Variants in TLN2 observed in about 807,000 individuals in gnomAD.
TLN2 encodes the protein talin 2.
Under a neutral mutation model 294.7 loss-of-function variants are expected in TLN2, and 118 were observed. The observed-to-expected ratio is 0.40, with a 90% confidence interval of 0.34 to 0.47. TLN2 has a LOEUF of 0.47. TLN2 is among the 20% of genes least tolerant of loss of function. The probability of loss-of-function intolerance (pLI) is 0.84; values close to 1 mark genes in which losing one functional copy is unlikely to be tolerated. For synonymous variants in TLN2, 1,431 were observed against 1,304.5 expected, an observed-to-expected ratio of 1.10 and a Z score of -2.09; for missense variants, 3,083 against 3,282.2, an observed-to-expected ratio of 0.94 and a Z score of 1.48.
chr15:62,534,009 A>C (rs2041194865), intron 1 of TLN2, among the ~76,000 whole-genome samples: 1 of 152,158 alleles, frequency 6.6e-6, no homozygotes, highest in African/African-American at 2.4e-5. Flanking sequence ...GTGCTTCCAA[A>C]TGTTAGTGTG....
In TLN2 at chr15:62,698,761, C is replaced by A. The variant is rs376377833; in HGVS notation, c.1481C>A (p.Ala494Asp). 6.2e-7 allele frequency: 1 copy of A among 1,610,128 alleles called. No individual in the cohort carries two copies. The highest frequency in any genetic ancestry group is 8.5e-7 in the Non-Finnish European group (1 of 1,179,974). The change falls in exon 16 of 59, where the codon GCC (alanine) becomes GAC (aspartate). Residue 494 changes from alanine (A) to aspartate (D), a missense_variant. Coordinates refer to ENST00000636159, the MANE Select transcript of TLN2 (RefSeq NM_015059.3). Reference protein sequence around the residue: ...HRGHMPPLTSAQQALMGTINT... With the variant: ...HRGHMPPLTSDQQALMGTINT... Reference sequence around the variant, plus strand: ...TTTCATTTGCCTTTGCAGACCTCAGCCCAGCAGGCCCTGATGGGGACCATC... The same window carrying A: ...TTTCATTTGCCTTTGCAGACCTCAGACCAGCAGGCCCTGATGGGGACCATC...
rs147549147 is a variant in TLN2 at position 62,836,215 on chromosome 15, C to T, written c.7374+142C>T. The T allele has an allele frequency of 8.9e-3, 10,424 of 1,169,984 alleles. 61 individuals carry two copies. Among genetic ancestry groups the T allele is most frequent in the Non-Finnish European group, 0.011 (9,227 of 831,300 alleles). The allele number at this position is 1,169,984 out of a possible 1,614,324, so 72.5% of individuals were successfully genotyped here. On this transcript the variant is annotated intron_variant, in intron 57 of 58. Coordinates refer to ENST00000636159, the MANE Select transcript of TLN2 (RefSeq NM_015059.3). ...GTCCACGTTCCAGCCTCATCTACTGCGTGCGTCCATGCATCCTCCACTGCT... is the reference window on the plus strand; with the variant it reads ...GTCCACGTTCCAGCCTCATCTACTGTGTGCGTCCATGCATCCTCCACTGCT...
rs560788188 is a variant in TLN2 at position 62,649,949 on chromosome 15, T to C, written c.137-135T>C. 3 of 814,766 alleles carry C rather than the reference T, an allele frequency of 3.7e-6. No homozygotes were observed. In the Admixed American group the frequency reaches 6.3e-5, roughly 17 times the overall value. 50.5% of individuals were successfully genotyped at this position (814,766 alleles called of 1,614,324 possible). On this transcript the variant is annotated intron_variant, in intron 4 of 58. Transcript: ENST00000636159. ...CTCCAGCCCTGATGGCTGCTTGTGT[T>C]GTCAAAACGAAACATTGCTGTCTGG...
chr15:62,771,161 C>T (rs757145828), intron 42 of TLN2, 27 bp downstream of exon 42: 2 of 1,564,166 alleles, frequency 1.3e-6, no homozygotes, highest in Non-Finnish European at 1.7e-6. Context: ...CGGGGACTCA[C>T]TTAGGACCAC....
intron 3 of TLN2, among the ~76,000 whole-genome samples, chr15:62,624,742 C>T (rs1596380057): frequency 1.3e-5 from 2 of 152,208 alleles, no homozygotes; most frequent in African/African-American, 2.4e-5. Flanking sequence ...CATGTGTGTA[C>T]GCACACAATT....
At position 62,755,664 on chromosome 15, in the gene TLN2, A is replaced by G. The variant is rs374616774; in HGVS notation, c.4609A>G (p.Ser1537Gly). 6.2e-7 allele frequency: 1 copy of G among 1,614,132 alleles called. No homozygotes were observed. Among genetic ancestry groups the G allele is most frequent in the Non-Finnish European group, 8.5e-7 (1 of 1,180,042 alleles). Residue 1537 changes from serine (S) to glycine (G), a missense_variant, in exon 37 of 59, where the codon AGC (serine) becomes GGC (glycine). Physicochemically the swap from Ser to Gly is moderately conservative, Grantham distance 56. Coordinates refer to ENST00000636159, the MANE Select transcript of TLN2 (RefSeq NM_015059.3). ...FVQSAKEVAN[S>G]TANLVKTIKA... is the part of the protein sequence containing the mutation. ...CCAGTCAGCCAAGGAAGTCGCCAAC[A>G]GCACTGCCAACCTGGTGAAGACCAT...
intron 36 of TLN2, chr15:62,754,229 G>C (rs2062098263): frequency 4.6e-6 from 1 of 218,068 alleles, no homozygotes; most frequent in Non-Finnish European, 8.9e-6. Flanking sequence ...TTAGCTGTAA[G>C]GGTTCAATGT....
chr15:62,460,706 G>C (rs2036752103), intron 1 of TLN2, among the ~76,000 whole-genome samples: 1 of 152,192 alleles, frequency 6.6e-6, no homozygotes, highest in Non-Finnish European at 1.5e-5. Flanking sequence ...GTTTATTTCA[G>C]ATAATGTTTT....
At chr15:62,792,577 G>C (rs2065149413) in intron 45 of TLN2, 64 bp from the exon 46 acceptor site, 1 of 1,579,312 alleles carries the variant, frequency 6.3e-7, no homozygotes, top group Admixed American at 1.8e-5. Flanking sequence ...TTTCCACGTA[G>C]GGAAGGCCTC....
At chr15:62,835,409 C>T in intron 55 of TLN2, 1 of 360,580 alleles carries the variant, frequency 2.8e-6, no homozygotes, top group Non-Finnish European at 5.1e-6. Flanking sequence ...GGAGAAAGCT[C>T]AGCAGAGGAG....
At chr15:62,697,508 T>G (rs770609954) in intron 14 of TLN2, among the ~76,000 whole-genome samples, 180 bp from the exon 15 acceptor site, 5 of 152,242 alleles carry the variant, frequency 3.3e-5, no homozygotes, top group Non-Finnish European at 5.9e-5. Context: ...AGGATTCATC[T>G]CAGAGCTCTG....
In TLN2 at chr15:62,463,562, C is replaced by G. The variant is rs150133829; in HGVS notation, c.-238+72877C>G. Among the ~76,000 whole-genome samples, 934 of 152,270 alleles carry G rather than the reference C, an allele frequency of 6.1e-3. 11 individuals carry two copies. The highest frequency in any genetic ancestry group is 0.022 in the African/African-American group (895 of 41,538). On this transcript the variant is annotated intron_variant, in intron 1 of 58. Transcript: ENST00000636159. ...AATGAAAACCACAATGAGATACCAT[C>G]TCACGCCAGTTAGAATGGCGATCAT...
At chr15:62,648,651 G>A (rs1051641748) in intron 4 of TLN2, among the ~76,000 whole-genome samples, 2 of 150,190 alleles carry the variant, frequency 1.3e-5, no homozygotes, top group African/African-American at 2.5e-5. Flanking sequence ...GAGTTTAAGC[G>A]ATTCTCCTGC....
intron 1 of TLN2, among the ~76,000 whole-genome samples, chr15:62,565,513 C>T (rs905437179): frequency 3.3e-5 from 5 of 152,142 alleles, no homozygotes; most frequent in African/African-American, 1.2e-4. Flanking sequence ...ATTAAGTACT[C>T]CTGGATTGCT....
At chr15:62,503,897 G>C (rs1282520660) in intron 1 of TLN2, among the ~76,000 whole-genome samples, 1 of 151,980 alleles carries the variant, frequency 6.6e-6, no homozygotes, top group Non-Finnish European at 1.5e-5. Flanking sequence ...TTGATTCTTA[G>C]TTTTCAGTGA....
At chr15:62,818,846 TTA>T in intron 52 of TLN2, among the ~76,000 whole-genome samples, 17 of 296 alleles carry the variant, frequency 0.057, no homozygotes, top group African/African-American at 0.09. Context: ...TTTTTTATTT[TTA>T]TTTATTTATT....
At chr15:62,795,731 C>A (rs2065427656) in intron 46 of TLN2, among the ~76,000 whole-genome samples, 4 of 152,206 alleles carry the variant, frequency 2.6e-5, no homozygotes, top group Admixed American at 2.6e-4. Flanking sequence ...CTAATCCTTT[C>A]TCCCGTTCTG....
At chr15:62,391,673 A>T (rs901810964) in intron 1 of TLN2, among the ~76,000 whole-genome samples, 29 of 146,638 alleles carry the variant, frequency 2.0e-4, no homozygotes, top group Non-Finnish European at 1.2e-4. Context: ...GCGGCCGCAC[A>T]AGGCGCGCAC....
chr15:62,676,253 G>A (rs1466636820), intron 11 of TLN2, among the ~76,000 whole-genome samples: 1 of 152,154 alleles, frequency 6.6e-6, no homozygotes, highest in Non-Finnish European at 1.5e-5. Context: ...GCCTCATTTG[G>A]AGAGAGGAGA....
Sources: allele counts gnomAD v4.1 joint callset (sites outside exome capture counted in the v4.1 genomes callset), GRCh38; gene constraint gnomAD v4.1.1; transcripts MANE v1.5; gene names NCBI Gene and HGNC (gene_info 2026-07-23, HGNC 2026-07-21).